SPCS1: variants seen among roughly 807,000 people sequenced by gnomAD.
The protein encoded by SPCS1 is SPase 12 kDa subunit.
In SPCS1, 10 loss-of-function variants were observed where a neutral mutation model predicts 16.4. That is an observed-to-expected ratio of 0.61 (90% confidence interval 0.38 to 1.03). SPCS1 has a LOEUF of 1.03. SPCS1 is among the 50% of genes least tolerant of loss of function. The probability of loss-of-function intolerance (pLI) is 0.01; values close to 1 mark genes in which losing one functional copy is unlikely to be tolerated. For missense variants in SPCS1, 118 were observed against 123.8 expected (o/e 0.95, Z 0.22); for synonymous variants, 47 against 42.5 (o/e 1.10, Z -0.41).
In SPCS1 at chr3:52,709,002, A is replaced by G. The variant is rs1330295512; in HGVS notation, c.*1190A>G. On this transcript the variant is annotated 3_prime_UTR_variant, in exon 4 of 4. Coordinates refer to ENST00000619898, the MANE Select transcript of SPCS1 (RefSeq NM_014041.5). Reference sequence around the variant, plus strand: ...GGAGTTCAAGACCAGCCTGGCCAACATGGTGAAACTCCATCTCTACTAAAA... The same window carrying G: ...GGAGTTCAAGACCAGCCTGGCCAACGTGGTGAAACTCCATCTCTACTAAAA... 6.6e-6 allele frequency: 1 copy of G among 152,116 alleles called. No individual in the cohort carries two copies. The highest frequency in any genetic ancestry group is 1.5e-5 in the Non-Finnish European group (1 of 68,056). 9.4% of individuals were successfully genotyped at this position (152,116 alleles called of 1,614,324 possible). A position where few individuals can be genotyped will look rare whatever the true frequency, so the allele number is the denominator to read the frequency against.
intron 3 of SPCS1, 110 bp from the exon 4 acceptor site, chr3:52,707,575 TTG>T (rs1553913316): frequency 8.7e-7 from 1 of 1,143,156 alleles, no homozygotes; most frequent in Non-Finnish European, 1.3e-6. Context: ...ATTTTTTTTT[TTG>T]TTTTTTTGTT....
rs981415507 is a variant in SPCS1 at position 52,706,152 on chromosome 3, A to C, written c.-95A>C. ...TTAGAAGGCCCGGCTACTGACGCGC[A>C]GTGCCAGACCTTACCCCTCACGGTC... On this transcript the variant is annotated 5_prime_UTR_variant, in exon 1 of 4. Coordinates refer to ENST00000619898, the MANE Select transcript of SPCS1 (RefSeq NM_014041.5). 1 of 1,542,900 alleles carries C rather than the reference A, an allele frequency of 6.5e-7. No homozygotes were observed. Among genetic ancestry groups the C allele is most frequent in the Admixed American group, 2.0e-5 (1 of 51,116 alleles).
Position 52,710,766 on chromosome 3 carries a change from A to C in SPCS1, c.*2954A>C, listed in dbSNP as rs1173539682. The C allele has an allele frequency of 6.6e-6, 1 of 152,114 alleles. No individual in the cohort carries two copies. The highest frequency in any genetic ancestry group is 1.5e-5 in the Non-Finnish European group (1 of 68,018). The allele number at this position is 152,114 out of a possible 1,614,324, so 9.4% of individuals were successfully genotyped here. On this transcript the variant is annotated 3_prime_UTR_variant, in exon 4 of 4. Coordinates refer to ENST00000619898, the MANE Select transcript of SPCS1 (RefSeq NM_014041.5). ...GACAGAGTGAAACTCTGTCTCAAAA[A>C]AAAAACACCTGAAAACATTTCTGGA... is the stretch of plus-strand genomic sequence containing the variant.
chr3:52,707,309 A>G (rs1290752297), intron 3 of SPCS1: 1 of 208,296 alleles, frequency 4.8e-6, no homozygotes, highest in Non-Finnish European at 9.8e-6. Context: ...AGCTGTGACT[A>G]CAGGAGCCCA....
At position 52,706,850 on chromosome 3, in the gene SPCS1, G is replaced by C; in HGVS notation, c.154G>C (p.Val52Leu). The C allele has an allele frequency of 3.7e-6, 6 of 1,614,080 alleles. No individual in the cohort carries two copies. Among genetic ancestry groups the C allele is most frequent in the East Asian group, 2.2e-5 (1 of 44,878 alleles). ...AEQFGWTVYI[V>L]MAGFAFSCLL... The stretch of plus-strand genomic sequence containing the variant: ...ACAGTTCGGGTGGACTGTCTATATA[G>C]TTATGGCCGGATTTGCTTTTTCATG... The change falls in exon 3 of 4, where the codon GTT becomes CTT. Residue 52 changes from valine to leucine, a missense_variant. By Grantham distance (32) the Val-to-Leu change is conservative (BLOSUM62 1). Transcript: ENST00000619898.
intron 3 of SPCS1, chr3:52,707,122 CAGG>C (rs1449972104): frequency 2.0e-6 from 1 of 492,188 alleles, no homozygotes; most frequent in African/African-American, 2.0e-5. Context: ...TCAAAGCCAG[CAGG>C]AGTTTTCATG....
At chr3:52,706,955 G>A in intron 3 of SPCS1, 76 bp downstream of exon 3, 1 of 1,014,042 alleles carries the variant, frequency 9.9e-7, no homozygotes, top group South Asian at 1.3e-5. Context: ...ACTCAGTAGT[G>A]AGACCCAAAG....
In SPCS1 at chr3:52,706,141, T is replaced by G; in HGVS notation, c.-106T>G. ...CTCTCCCGGGCTTAGAAGGCCCGGC[T>G]ACTGACGCGCAGTGCCAGACCTTAC... On this transcript the variant is annotated 5_prime_UTR_variant, in exon 1 of 4. Transcript: ENST00000619898. 1 of 1,541,538 alleles carries G rather than the reference T, an allele frequency of 6.5e-7. No homozygotes were observed. Among genetic ancestry groups the G allele is most frequent in the Non-Finnish European group, 8.7e-7 (1 of 1,147,312 alleles).
chr3:52,707,180 AT>A (rs2097345505), intron 3 of SPCS1: 2 of 261,558 alleles, frequency 7.6e-6, no homozygotes, highest in Admixed American at 9.9e-5. Context: ...ATTTATTTAA[AT>A]TTTTTGAGAC....
At position 52,710,906 on chromosome 3, in the gene SPCS1, C is replaced by T. The variant is rs2097349755; in HGVS notation, c.*3094C>T. 1 of 152,426 alleles carries T rather than the reference C, an allele frequency of 6.6e-6. No individual in the cohort carries two copies. The highest frequency in any genetic ancestry group is 1.5e-5 in the Non-Finnish European group (1 of 68,016). The allele number at this position is 152,426 out of a possible 1,614,324, so 9.4% of individuals were successfully genotyped here. A position where few individuals can be genotyped will look rare whatever the true frequency, so the allele number is the denominator to read the frequency against. ...ATGGGTATTACCTCTTATTAAACAA[C>T]TAATAAAATATGTGCTATATAATCA... On this transcript the variant is annotated 3_prime_UTR_variant, in exon 4 of 4. Coordinates refer to ENST00000619898, the MANE Select transcript of SPCS1 (RefSeq NM_014041.5).
At chr3:52,706,415 G>A in intron 1 of SPCS1, 133 bp downstream of exon 1, 1 of 1,006,076 alleles carries the variant, frequency 9.9e-7, no homozygotes, top group Non-Finnish European at 1.4e-6. Context: ...TTCCCGAATT[G>A]CCTCCTGGGT....
At chr3:52,707,598 A>T (rs2097345936) in intron 3 of SPCS1, 89 bp from the exon 4 acceptor site, 2 of 1,389,080 alleles carry the variant, frequency 1.4e-6, no homozygotes, top group Non-Finnish European at 2.0e-6. Flanking sequence ...CCCTCAGCAT[A>T]GGAGTCATTT....
At chr3:52,707,562 T>C in intron 3 of SPCS1, 125 bp from the exon 4 acceptor site, 3 of 962,660 alleles carry the variant, frequency 3.1e-6, no homozygotes, top group South Asian at 1.7e-5. Context: ...TATAGGAATA[T>C]GGATTTTTTT....
rs1185010747 is a variant in SPCS1 at position 52,706,296 on chromosome 3, C to T, written c.36+14C>T. 6.3e-7 allele frequency: 1 copy of T among 1,592,610 alleles called. No homozygotes were observed. The highest frequency in any genetic ancestry group is 1.3e-5 in the African/African-American group (1 of 74,816). On this transcript the variant is annotated intron_variant, in intron 1 of 3. Transcript: ENST00000619898. ...CCCACGCAGATGGTGAGGGCGCAAC[C>T]CGGGGACCTCTGCACGCCGTTCTTG...
Position 52,707,684 on chromosome 3 carries a change from C to A in SPCS1, c.184-3C>A, listed in dbSNP as rs2097346064. ...TTTATGCATTTCCTCTTTTCTGGCC[C>A]AGCTGACACTTCCTCCATGGCCCAT... On this transcript the variant is annotated splice_polypyrimidine_tract_variant and splice_region_variant and intron_variant, in intron 3 of 3. Coordinates refer to ENST00000619898, the MANE Select transcript of SPCS1 (RefSeq NM_014041.5). 1.2e-6 allele frequency: 2 copies of A among 1,612,432 alleles called. No homozygotes were observed. The highest frequency in any genetic ancestry group is 4.5e-5 in the East Asian group (2 of 44,874).
Position 52,707,796 on chromosome 3 carries a change from A to C in SPCS1, c.293A>C (p.His98Pro). The change falls in exon 4 of 4, where the codon CAT becomes CCT. Residue 98 changes from histidine to proline, a missense_variant. Transcript: ENST00000619898. ...KKPGERKIKR[H>P]AKNN ...CCAGGGGAAAGAAAAATTAAGAGGC[A>C]TGCTAAAAATAATTGAGGTTTTCAT... 1.2e-6 allele frequency: 2 copies of C among 1,614,176 alleles called. No individual in the cohort carries two copies. Among genetic ancestry groups the C allele is most frequent in the South Asian group, 2.2e-5 (2 of 91,088 alleles).
Position 52,706,876 on chromosome 3 carries a change from T to A in SPCS1, c.180T>A (p.Cys60Ter). 1 of 1,613,448 alleles carries A rather than the reference T, an allele frequency of 6.2e-7. No individual in the cohort carries two copies. Among genetic ancestry groups the A allele is most frequent in the Non-Finnish European group, 8.5e-7 (1 of 1,179,430 alleles). ...TTATGGCCGGATTTGCTTTTTCATG[T>A]TTGGTAAGAAATTTGTGGGTATTAG... ...YIVMAGFAFS[C>*]LLTLPPWPIY... Residue 60 changes from cysteine (C) to a stop codon, truncating the protein, a stop_gained, in exon 3 of 4, where the codon TGT becomes TGA. Transcript: ENST00000619898. LOFTEE classifies it high-confidence loss of function.
intron 1 of SPCS1, 57 bp downstream of exon 1, chr3:52,706,339 G>A (rs1236831418): frequency 5.2e-6 from 8 of 1,549,910 alleles, no homozygotes; most frequent in African/African-American, 1.4e-5. Context: ...CAGCTTCGAA[G>A]CCCATGTTGG....
chr3:52,706,297 C>G lies in SPCS1; in HGVS notation c.36+15C>G. ...CCACGCAGATGGTGAGGGCGCAACC[C>G]GGGGACCTCTGCACGCCGTTCTTGT... On this transcript the variant is annotated intron_variant, in intron 1 of 3. Transcript: ENST00000619898. The G allele has an allele frequency of 1.9e-6, 3 of 1,592,522 alleles. No individual in the cohort carries two copies. Among genetic ancestry groups the G allele is most frequent in the Non-Finnish European group, 2.6e-6 (3 of 1,176,224 alleles).
Sources: allele counts gnomAD v4.1 joint callset, GRCh38; gene constraint gnomAD v4.1.1; transcripts MANE v1.5; gene names NCBI Gene and HGNC (gene_info 2026-07-23, HGNC 2026-07-21).